TF: variants seen among roughly 807,000 people sequenced by gnomAD.
The protein encoded by TF is transferrin.
Under a neutral mutation model 82.4 loss-of-function variants are expected in TF, and 55 were observed. The observed-to-expected ratio is 0.67, with a 90% confidence interval of 0.54 to 0.84. The LOEUF is 0.84. TF is among the 40% of genes least tolerant of loss of function. The pLI is 0.00. For synonymous variants in TF, 332 were observed against 332.6 expected (o/e 1.00, Z 0.02); for missense variants, 737 against 868.4 (o/e 0.85, Z 1.90).
chr3:133,775,343 G>T lies in TF; in HGVS notation c.1688-90G>T, dbSNP rs1167576855. 16 of 1,395,056 alleles carry T rather than the reference G, an allele frequency of 1.1e-5. No individual in the cohort carries two copies. In the East Asian group the frequency reaches 3.7e-4, roughly 32 times the overall value. The allele number at this position is 1,395,056 out of a possible 1,614,324, so 86.4% of individuals were successfully genotyped here. ...CACTTCTGCTGGCGAGAAGGCCCAG[G>T]TTCTCTACACACCACTGAGTCAGTT... On this transcript the variant is annotated intron_variant, in intron 14 of 16. Coordinates refer to ENST00000402696, the MANE Select transcript of TF (RefSeq NM_001063.4).
chr3:133,784,513 A>G lies in TF; in HGVS notation c.*5893A>G, dbSNP rs1311757419. 2 of 150,212 alleles carry G rather than the reference A, an allele frequency of 1.3e-5. No homozygotes were observed. Among genetic ancestry groups the G allele is most frequent in the Non-Finnish European group, 3.0e-5 (2 of 67,484 alleles). The allele number at this position is 150,212 out of a possible 1,614,324, so 9.3% of individuals were successfully genotyped here. On this transcript the variant is annotated 3_prime_UTR_variant, in exon 17 of 17. Transcript: ENST00000402696. Reference sequence around the variant, plus strand: ...ATAATAATAATAATAATAATAGGACATAAATGGCTTCTGGAGATGACTTTT... The same window carrying G: ...ATAATAATAATAATAATAATAGGACGTAAATGGCTTCTGGAGATGACTTTT...
upstream of TF, among the ~76,000 whole-genome samples, chr3:133,744,310 T>C (rs1323729827): frequency 6.6e-6 from 1 of 152,220 alleles, no homozygotes; most frequent in Non-Finnish European, 1.5e-5. Flanking sequence ...TTCCATGCCC[T>C]GCGTTGAGCT....
At chr3:133,674,875 C>T in the TF span, among the ~76,000 whole-genome samples, 2 of 152,194 alleles carry the variant, frequency 1.3e-5, no homozygotes, top group African/African-American at 4.8e-5. Flanking sequence ...CAGACTATGA[C>T]TAGCTGGCCA....
Position 133,778,656 on chromosome 3 carries a change from G to T in TF, c.*36G>T. On this transcript the variant is annotated 3_prime_UTR_variant, in exon 17 of 17. Transcript: ENST00000402696. ...GTAGGGCTGCCACCAAGGTGAAGAT[G>T]GGAACGCAGATGATCCATGAGTTTG... 6.2e-7 allele frequency: 1 copy of T among 1,611,476 alleles called. No individual in the cohort carries two copies. Among genetic ancestry groups the T allele is most frequent in the South Asian group, 1.1e-5 (1 of 90,718 alleles).
chr3:133,763,292 T>C (rs1396418665), intron 9 of TF, among the ~76,000 whole-genome samples: 2 of 152,254 alleles, frequency 1.3e-5, no homozygotes, highest in African/African-American at 2.4e-5. Flanking sequence ...ACATTTCAAA[T>C]GCTTATGAAT....
the TF span, among the ~76,000 whole-genome samples, chr3:133,721,942 C>T: frequency 1.1e-4 from 16 of 152,056 alleles, no homozygotes; most frequent in Admixed American, 1.3e-4. Context: ...TGCAGTGATA[C>T]GAACTTGGCT....
At chr3:133,721,894 G>A in the TF span, among the ~76,000 whole-genome samples, 2 of 151,904 alleles carry the variant, frequency 1.3e-5, no homozygotes, top group African/African-American at 2.4e-5. Flanking sequence ...TGTTGCTGTT[G>A]TTCGAGACAG....
Position 133,785,491 on chromosome 3 carries a change from A to G in TF, c.*6871A>G, listed in dbSNP as rs1345289504. 2 of 81,930 alleles carry G rather than the reference A, an allele frequency of 2.4e-5. No individual in the cohort carries two copies. Among genetic ancestry groups the G allele is most frequent in the African/African-American group, 4.8e-5 (1 of 20,970 alleles). 5.1% of individuals were successfully genotyped at this position (81,930 alleles called of 1,614,324 possible). On this transcript the variant is annotated 3_prime_UTR_variant, in exon 17 of 17. Coordinates refer to ENST00000402696, the MANE Select transcript of TF (RefSeq NM_001063.4). ...CGGCCAGCCGCCCCGTCCGGGAGGG[A>G]GGTGGGGGGGGTCAGCCCCCCTGCC...
the TF span, among the ~76,000 whole-genome samples, chr3:133,725,960 T>C: frequency 8.5e-5 from 13 of 152,354 alleles, no homozygotes; most frequent in African/African-American, 2.9e-4. Context: ...GGATTACATT[T>C]ATCAATTTGC....
At chr3:133,764,597 T>C (rs1192386059) in intron 10 of TF, among the ~76,000 whole-genome samples, 1 of 152,206 alleles carries the variant, frequency 6.6e-6, no homozygotes, top group Non-Finnish European at 1.5e-5. Flanking sequence ...CACTGCCCTG[T>C]TGCTAGGATT....
rs181412842 is a variant in TF, at chr3:133,771,609, C to T, written c.1687+1037C>T. ...AAAATTAGCCGGGCGCGGTGGTGGG[C>T]GCCTGTAGTCCCAGCTACTCGGGAG... is the stretch of plus-strand genomic sequence containing the variant. On this transcript the variant is annotated intron_variant, in intron 14 of 16. Coordinates refer to ENST00000402696, the MANE Select transcript of TF (RefSeq NM_001063.4). 6.6e-3 allele frequency among the ~76,000 whole-genome samples: 1,006 copies of T among 151,590 alleles called. 14 individuals carry two copies. The highest frequency in any genetic ancestry group is 0.047 in the East Asian group (244 of 5,154).
At chr3:133,768,917 C>A (rs1934195000) in intron 13 of TF, among the ~76,000 whole-genome samples, 2 of 151,394 alleles carry the variant, frequency 1.3e-5, no homozygotes, top group African/African-American at 4.9e-5. Context: ...CTCAGCCTCC[C>A]TAGTAGCTGG....
At chr3:133,771,700 G>A (rs1242852534) in intron 14 of TF, among the ~76,000 whole-genome samples, 1 of 128,580 alleles carries the variant, frequency 7.8e-6, no homozygotes, top group Admixed American at 9.1e-5. Flanking sequence ...TTGCGCCACT[G>A]CAGTCCGCAG....
chr3:133,683,045 T>C, the TF span, among the ~76,000 whole-genome samples: 1 of 152,288 alleles, frequency 6.6e-6, no homozygotes, highest in African/African-American at 2.4e-5. Flanking sequence ...TGGGGGCCAA[T>C]ATTCAACATT....
chr3:133,746,313 C>G (rs1933495422), upstream of TF: 1 of 1,130,624 alleles, frequency 8.8e-7, no homozygotes, highest in African/African-American at 1.5e-5. Flanking sequence ...CCCGGCTGCA[C>G]AAACACGGGA....
intron 14 of TF, chr3:133,770,903 A>T (rs947683797): frequency 1.3e-5 from 5 of 393,314 alleles, no homozygotes; most frequent in African/African-American, 1.0e-4. Context: ...CAAGATCAGG[A>T]TCTTTTACAT....
At position 133,779,026 on chromosome 3, in the gene TF, G is replaced by A. The variant is rs1054633987; in HGVS notation, c.*406G>A. ...AATGTATACTGGTGTGTGTGTGCAC[G>A]TGCGCGTGCGTGTGTCATGCTAAGG... On this transcript the variant is annotated 3_prime_UTR_variant, in exon 17 of 17. Transcript: ENST00000402696. The A allele has an allele frequency of 3.5e-5, 8 of 228,508 alleles. No individual in the cohort carries two copies. The highest frequency in any genetic ancestry group is 4.6e-5 in the African/African-American group (2 of 43,582). The allele number at this position is 228,508 out of a possible 1,614,324, so 14.2% of individuals were successfully genotyped here.
At position 133,775,492 on chromosome 3, in the gene TF, C is replaced by T. The variant is rs1213272219; in HGVS notation, c.1747C>T (p.Leu583Phe). The T allele has an allele frequency of 6.2e-7, 1 of 1,614,098 alleles. No individual in the cohort carries two copies. Among genetic ancestry groups the T allele is most frequent in the Non-Finnish European group, 8.5e-7 (1 of 1,180,058 alleles). Residue 583 changes from leucine to phenylalanine, a missense_variant, in exon 15 of 17, where the codon CTT becomes TTT. Coordinates refer to ENST00000402696, the MANE Select transcript of TF (RefSeq NM_001063.4). ...TGAAAAAGACTATGAGTTGCTGTGC[C>T]TTGATGGTACCAGGAAACCTGTGGA... ...LNEKDYELLC[L>F]DGTRKPVEEY...
chr3:133,714,926 A>C, the TF span, among the ~76,000 whole-genome samples: 2 of 151,128 alleles, frequency 1.3e-5, no homozygotes, highest in Non-Finnish European at 3.0e-5. Flanking sequence ...CAGATGATCC[A>C]CCCGCCTCGG....
Sources: gnomAD v4.1 joint callset for allele counts (sites outside exome capture counted in the v4.1 genomes callset) on GRCh38, gnomAD v4.1.1 for gene constraint, MANE v1.5 for transcripts, NCBI Gene and HGNC (gene_info 2026-07-23, HGNC 2026-07-21) for gene names.